Variants in FAM107B observed in about 807,000 individuals in gnomAD.
FAM107B encodes the protein family with sequence similarity 107 member B, also known as protein FAM107B.
A neutral mutation model predicts 31.5 loss-of-function variants in FAM107B; 21 were observed. The observed-to-expected ratio is 0.67, with a 90% CI of 0.47 to 0.96. The LOEUF (loss-of-function observed/expected upper bound fraction) is 0.96, where lower values mean the gene tolerates loss of function less well. Among genes scored for constraint, FAM107B ranks in the 40% least tolerant of loss-of-function variants. FAM107B has a pLI of 0.00. For missense variants in FAM107B, 452 were observed against 377.1 expected (o/e 1.20, Z -1.64); for synonymous variants, 157 against 141.5 (o/e 1.11, Z -0.78).
intron 1 of FAM107B, among the ~76,000 whole-genome samples, chr10:14,719,239 A>G (rs1311952849): frequency 2.0e-5 from 3 of 152,186 alleles, no homozygotes; most frequent in African/African-American, 4.8e-5. Flanking sequence ...CGGGAGTCAG[A>G]GTTCCAGCCA....
chr10:14,752,609 G>A (rs188028586), intron 1 of FAM107B, among the ~76,000 whole-genome samples: 4 of 152,294 alleles, frequency 2.6e-5, no homozygotes, highest in African/African-American at 9.6e-5. Flanking sequence ...GAAAGAATCT[G>A]TTGGCGACTA....
At chr10:14,604,683 T>C (rs1438570924) in intron 2 of FAM107B, among the ~76,000 whole-genome samples, 1 of 151,866 alleles carries the variant, frequency 6.6e-6, no homozygotes, top group East Asian at 2.0e-4. Context: ...GCCGCGTGGG[T>C]CACAGCCACA....
intron 2 of FAM107B, among the ~76,000 whole-genome samples, chr10:14,630,548 T>C (rs1241094175): frequency 4.6e-5 from 7 of 151,828 alleles, no homozygotes; most frequent in Non-Finnish European, 1.5e-5. Flanking sequence ...AAAAATCACA[T>C]TGGGCTGGTC....
At chr10:14,590,274 T>C (rs956444152) in intron 2 of FAM107B, among the ~76,000 whole-genome samples, 3 of 152,230 alleles carry the variant, frequency 2.0e-5, no homozygotes, top group Non-Finnish European at 2.9e-5. Flanking sequence ...ATCTTTCTTT[T>C]AGGACTTATT....
At chr10:14,767,469 CGTGACTAA>C (rs1392135441) in intron 1 of FAM107B, among the ~76,000 whole-genome samples, 1 of 151,800 alleles carries the variant, frequency 6.6e-6, no homozygotes, top group Admixed American at 6.6e-5. Context: ...AAGATTACAC[CGTGACTAA>C]GTGGGATTTG....
chr10:14,609,339 C>T lies in FAM107B; in HGVS notation c.469+58295G>A, dbSNP rs189896262. ...CCAAAATCAAGATCTTGGCAGGGCT[C>T]ATAGTTCATCTTGTCTGGAGCTCAA... is the stretch of plus-strand genomic sequence containing the variant. On this transcript the variant is annotated intron_variant, in intron 2 of 4. Transcript: ENST00000181796. 2.5e-3 allele frequency among the ~76,000 whole-genome samples: 373 copies of T among 152,230 alleles called. 2 individuals are homozygous for T. The highest frequency in any genetic ancestry group is 8.4e-3 in the African/African-American group (350 of 41,532).
chr10:14,712,416 C>T (rs1010618577), intron 1 of FAM107B, among the ~76,000 whole-genome samples: 4 of 151,794 alleles, frequency 2.6e-5, no homozygotes, highest in African/African-American at 4.8e-5. Context: ...CATGGTGAAA[C>T]CCTGTCTCTA....
At chr10:14,579,732 T>A (rs754920974) in intron 2 of FAM107B, among the ~76,000 whole-genome samples, 1 of 152,124 alleles carries the variant, frequency 6.6e-6, no homozygotes. Context: ...CAAAAAAGAT[T>A]TGGAGTGTGT....
chr10:14,614,108 G>A (rs1191700946), intron 2 of FAM107B, among the ~76,000 whole-genome samples: 1 of 152,092 alleles, frequency 6.6e-6, no homozygotes, highest in Admixed American at 6.6e-5. Context: ...TCCAGCCTGG[G>A]CGTCAGAGTG....
chr10:14,557,344 T>C (rs925943721), intron 2 of FAM107B, among the ~76,000 whole-genome samples: 9 of 152,238 alleles, frequency 5.9e-5, no homozygotes, highest in African/African-American at 1.7e-4. Context: ...TCTGTTAAAG[T>C]GATGAAATAC....
intron 2 of FAM107B, among the ~76,000 whole-genome samples, chr10:14,646,789 C>CTTAT (rs1554843824): frequency 1.2e-5 from 1 of 86,770 alleles, no homozygotes; most frequent in Non-Finnish European, 2.0e-5. Context: ...CCATTTTCTC[C>CTTAT]TTTTTTTTTT....
At chr10:14,590,150 A>C (rs1228381882) in intron 2 of FAM107B, among the ~76,000 whole-genome samples, 1 of 152,244 alleles carries the variant, frequency 6.6e-6, no homozygotes, top group African/African-American at 2.4e-5. Context: ...ACCAAAAATG[A>C]AGAATCTTGA....
chr10:14,568,935 C>T (rs1850946554), intron 2 of FAM107B, among the ~76,000 whole-genome samples: 1 of 152,172 alleles, frequency 6.6e-6, no homozygotes, highest in Admixed American at 6.5e-5. Flanking sequence ...GGAGAGCTGG[C>T]ATCTGACGAT....
intron 2 of FAM107B, among the ~76,000 whole-genome samples, chr10:14,655,151 T>A (rs892795499): frequency 6.6e-6 from 1 of 152,100 alleles, no homozygotes; most frequent in Non-Finnish European, 1.5e-5. Flanking sequence ...CCGTCAGATC[T>A]CATGGGAAAT....
At chr10:14,617,727 C>A (rs2131398186) in intron 2 of FAM107B, among the ~76,000 whole-genome samples, 1 of 123,196 alleles carries the variant, frequency 8.1e-6, no homozygotes, top group East Asian at 2.4e-4. Context: ...AAAGAATAAA[C>A]AACTAGAGAC....
intron 2 of FAM107B, among the ~76,000 whole-genome samples, chr10:14,548,259 C>T (rs1361758289): frequency 1.3e-5 from 2 of 152,068 alleles, no homozygotes; most frequent in African/African-American, 4.8e-5. Flanking sequence ...AGAGCAGACG[C>T]GACAGACGCA....
chr10:14,585,607 ACGGC>A (rs1175700442), intron 2 of FAM107B, among the ~76,000 whole-genome samples: 2 of 152,288 alleles, frequency 1.3e-5, no homozygotes, highest in East Asian at 3.9e-4. Context: ...GACAAAACAG[ACGGC>A]CATCTAAAAC....
intron 1 of FAM107B, among the ~76,000 whole-genome samples, chr10:14,694,539 A>T (rs997449553): frequency 2.6e-5 from 4 of 151,470 alleles, no homozygotes; most frequent in Non-Finnish European, 5.9e-5. Context: ...ATGCGCCACT[A>T]TGCCCGGCTA....
chr10:14,673,969 T>C (rs553613450), intron 1 of FAM107B, among the ~76,000 whole-genome samples: 4 of 152,208 alleles, frequency 2.6e-5, no homozygotes, highest in Admixed American at 6.5e-5. Flanking sequence ...TATTTGTTTT[T>C]TGCTTTTGCT....
Sources: allele counts gnomAD v4.1 joint callset (sites outside exome capture counted in the v4.1 genomes callset), GRCh38; gene constraint gnomAD v4.1.1; transcripts MANE v1.5; gene names NCBI Gene and HGNC (gene_info 2026-07-23, HGNC 2026-07-21).